The following PDZRN3 variants were observed in gnomAD, a reference collection of about 807,000 sequenced individuals.
PDZRN3 encodes the protein PDZ domain containing ring finger 3.
In PDZRN3, 38 loss-of-function variants were observed where a neutral mutation model predicts 85.7. The ratio of observed to expected loss-of-function variants is 0.44; its 90% CI spans 0.34 to 0.58. The LOEUF is 0.58. Ranked by LOEUF, PDZRN3 falls within the 20% of genes least tolerant of loss-of-function variation. The pLI, the probability that PDZRN3 is intolerant of heterozygous loss-of-function variation, is 0.01. For synonymous variants in PDZRN3, 759 were observed against 638.0 expected (o/e 1.19, Z -2.86); for missense variants, 1,629 against 1,506.4 (o/e 1.08, Z -1.35).
At chr3:73,565,091 G>A (rs1370362391) in intron 3 of PDZRN3, among the ~76,000 whole-genome samples, 2 of 151,490 alleles carry the variant, frequency 1.3e-5, no homozygotes, top group Non-Finnish European at 1.5e-5. Flanking sequence ...GTTCTCCAGG[G>A]CTTTAGGGAA....
At chr3:73,432,627 C>T (rs1267245548) in intron 3 of PDZRN3, among the ~76,000 whole-genome samples, 6 of 152,056 alleles carry the variant, frequency 3.9e-5, no homozygotes, top group Admixed American at 2.0e-4. Context: ...AGCATATCAC[C>T]CCCTGGTGGC....
intron 3 of PDZRN3, among the ~76,000 whole-genome samples, chr3:73,416,024 T>A (rs1210200870): frequency 6.6e-6 from 1 of 151,802 alleles, no homozygotes; most frequent in African/African-American, 2.4e-5. Context: ...TGAGATGATT[T>A]AAGAGGAGGG....
At chr3:73,427,289 G>A (rs1240283842) in intron 3 of PDZRN3, among the ~76,000 whole-genome samples, 1 of 152,186 alleles carries the variant, frequency 6.6e-6, no homozygotes, top group Non-Finnish European at 1.5e-5. Flanking sequence ...AATGACAGTG[G>A]CACTGCCAGA....
At chr3:73,588,705 CAT>C (rs1702310816) in intron 3 of PDZRN3, among the ~76,000 whole-genome samples, 1 of 152,268 alleles carries the variant, frequency 6.6e-6, no homozygotes, top group Admixed American at 6.5e-5. Flanking sequence ...ATTTACAACA[CAT>C]GACAATGACT....
chr3:73,554,010 T>C (rs1473138853), intron 3 of PDZRN3, among the ~76,000 whole-genome samples: 1 of 152,132 alleles, frequency 6.6e-6, no homozygotes, highest in East Asian at 1.9e-4. Flanking sequence ...CACTGGCAGC[T>C]GGAGGTACAA....
intron 3 of PDZRN3, among the ~76,000 whole-genome samples, chr3:73,472,414 T>C (rs946718917): frequency 7.2e-5 from 11 of 152,226 alleles, no homozygotes; most frequent in African/African-American, 2.7e-4. Context: ...TTCCTTTTAA[T>C]TGACTAACCA....
At chr3:73,557,358 A>G (rs1227084667) in intron 3 of PDZRN3, among the ~76,000 whole-genome samples, 4 of 152,222 alleles carry the variant, frequency 2.6e-5, no homozygotes, top group Admixed American at 6.5e-5. Context: ...GCTTCAAGTT[A>G]ATAAAATCTG....
chr3:73,593,707 T>TACACACACACAC (rs201574221), intron 3 of PDZRN3, among the ~76,000 whole-genome samples: 1 of 100,898 alleles, frequency 9.9e-6, no homozygotes, highest in Non-Finnish European at 2.0e-5. Context: ...CCGAAATAAA[T>TACACACACACAC]ATACACACAC....
At position 73,404,132 on chromosome 3, in the gene PDZRN3, A is replaced by G. The variant is rs376457374; in HGVS notation, c.1166+16T>C. 34 of 1,610,598 alleles carry G rather than the reference A, an allele frequency of 2.1e-5. 1 individual carries two copies. In the South Asian group the frequency reaches 2.9e-4, roughly 14 times the overall value. ...TACTTCTTAATGCATTAGGGGTTCA[A>G]GATTAGGTTACTTACTCCTCTGGCA... On this transcript the variant is annotated intron_variant, in intron 4 of 9. Transcript: ENST00000263666.
At chr3:73,450,095 A>T (rs1307537659) in intron 3 of PDZRN3, among the ~76,000 whole-genome samples, 1 of 152,206 alleles carries the variant, frequency 6.6e-6, no homozygotes, top group Non-Finnish European at 1.5e-5. Flanking sequence ...TGAAGGAAGA[A>T]AATAAGTCAG....
At chr3:73,394,610 C>A (rs1701599148) in intron 5 of PDZRN3, among the ~76,000 whole-genome samples, 1 of 152,212 alleles carries the variant, frequency 6.6e-6, no homozygotes, top group South Asian at 2.1e-4. Context: ...TATTCTGGAG[C>A]TTACTCTAGG....
chr3:73,462,542 CAAA>C (rs1167584471), intron 3 of PDZRN3, among the ~76,000 whole-genome samples: 8 of 93,444 alleles, frequency 8.6e-5, no homozygotes, highest in Admixed American at 1.2e-4. Context: ...GACTCCGTCT[CAAA>C]AAAAAAAAAA....
At chr3:73,476,614 T>G (rs1703456250) in intron 3 of PDZRN3, among the ~76,000 whole-genome samples, 1 of 152,162 alleles carries the variant, frequency 6.6e-6, no homozygotes, top group Non-Finnish European at 1.5e-5. Context: ...ACTTTCATGG[T>G]TAGGTTATAA....
At chr3:73,443,910 TA>T (rs1446012761) in intron 3 of PDZRN3, among the ~76,000 whole-genome samples, 3 of 152,164 alleles carry the variant, frequency 2.0e-5, no homozygotes, top group South Asian at 4.2e-4. Context: ...AAAATTACTA[TA>T]AAAATAATCA....
intron 3 of PDZRN3, among the ~76,000 whole-genome samples, chr3:73,523,316 C>T (rs1189911241): frequency 6.6e-6 from 1 of 152,074 alleles, no homozygotes; most frequent in Admixed American, 6.5e-5. Flanking sequence ...CATAAGCCAC[C>T]ATACGGGGCC....
intron 2 of PDZRN3, among the ~76,000 whole-genome samples, 161 bp from the exon 3 acceptor site, chr3:73,602,622 C>G (rs967089582): frequency 2.0e-5 from 3 of 152,196 alleles, no homozygotes; most frequent in African/African-American, 4.8e-5. Context: ...AACTAAAATA[C>G]ACACACAGTA....
At chr3:73,474,363 G>A in intron 3 of PDZRN3, 1 of 689,386 alleles carries the variant, frequency 1.5e-6, no homozygotes, top group African/African-American at 1.9e-5. Context: ...TATTTCTAAA[G>A]CAAACTGCTA....
intron 3 of PDZRN3, among the ~76,000 whole-genome samples, chr3:73,485,111 T>A (rs1182146276): frequency 2.6e-5 from 4 of 152,154 alleles, no homozygotes; most frequent in African/African-American, 9.7e-5. Flanking sequence ...GATACCTGTC[T>A]CAAGACTGTT....
chr3:73,544,024 C>G (rs768967665), intron 3 of PDZRN3, among the ~76,000 whole-genome samples: 60 of 152,190 alleles, frequency 3.9e-4, no homozygotes, highest in Non-Finnish European at 8.2e-4. Flanking sequence ...CCAGCCTGGC[C>G]ACCATGGTGA....
Sources: gnomAD v4.1 joint callset for allele counts (sites outside exome capture counted in the v4.1 genomes callset) on GRCh38, gnomAD v4.1.1 for gene constraint, MANE v1.5 for transcripts, NCBI Gene and HGNC (gene_info 2026-07-23, HGNC 2026-07-21) for gene names.